The following EYA3 variants were observed in gnomAD, a reference collection of about 807,000 sequenced individuals.
The protein encoded by EYA3 is EYA transcriptional coactivator and phosphatase 3, also known as protein phosphatase EYA3.
EYA3 carries 39 observed loss-of-function variants against 80.0 expected under a neutral mutation model. That is an observed-to-expected ratio of 0.49 (90% CI 0.38 to 0.64). The LOEUF is 0.64. Ranked by LOEUF, EYA3 falls within the 30% of genes least tolerant of loss-of-function variation. EYA3 has a pLI of 0.00. For missense variants in EYA3, 523 were observed against 676.1 expected, an observed-to-expected ratio of 0.77 and a Z score of 2.51; for synonymous variants, 206 against 232.8, an observed-to-expected ratio of 0.88 and a Z score of 1.05.
intron 7 of EYA3, among the ~76,000 whole-genome samples, chr1:28,024,163 C>T (rs1185993821): frequency 6.6e-6 from 1 of 152,042 alleles, no homozygotes; most frequent in Non-Finnish European, 1.5e-5. Flanking sequence ...CGCTTAAACT[C>T]GGGAGGTGGA....
At chr1:28,081,710 A>G (rs1164324972) in intron 1 of EYA3, among the ~76,000 whole-genome samples, 1 of 152,192 alleles carries the variant, frequency 6.6e-6, no homozygotes, top group Non-Finnish European at 1.5e-5. Flanking sequence ...GGTGAAGCTG[A>G]CCTAAATCGT....
rs781256975 is a variant in EYA3 at position 27,988,628 on chromosome 1, T to C, written c.1447A>G (p.Thr483Ala). ...RKNCVNVLIT[T>A]TQLVPALAKV... ...GCCAGGGCTGGAACCAGCTGGGTGGTAGTGATCAGAACATTCACACAATTC... is the reference window on the plus strand; with the variant it reads ...GCCAGGGCTGGAACCAGCTGGGTGGCAGTGATCAGAACATTCACACAATTC... Residue 483 changes from threonine (T) to alanine (A), a missense_variant, in exon 16 of 18, where the codon ACC becomes GCC. Thr to Ala is a moderately conservative substitution (Grantham distance 58). Coordinates refer to ENST00000373871, the MANE Select transcript of EYA3 (RefSeq NM_001990.4). 2.5e-6 allele frequency: 4 copies of C among 1,614,060 alleles called. No homozygotes were observed. The highest frequency in any genetic ancestry group is 2.2e-5 in the South Asian group (2 of 91,072).
At chr1:28,029,411 T>C (rs1448181702) in intron 6 of EYA3, among the ~76,000 whole-genome samples, 4 of 152,200 alleles carry the variant, frequency 2.6e-5, no homozygotes, top group Non-Finnish European at 4.4e-5. Flanking sequence ...CTCTGTGGTC[T>C]GTCACTTCTT....
chr1:28,085,707 C>A (rs1180979649), intron 1 of EYA3, among the ~76,000 whole-genome samples: 1 of 152,128 alleles, frequency 6.6e-6, no homozygotes, highest in Non-Finnish European at 1.5e-5. Context: ...AGAAAATCAA[C>A]GGTAATTTTT....
chr1:28,063,534 G>T (rs1036048214), intron 1 of EYA3, among the ~76,000 whole-genome samples: 1 of 151,478 alleles, frequency 6.6e-6, no homozygotes, highest in East Asian at 1.9e-4. Flanking sequence ...TTTTTGTAGC[G>T]ATGGGGTTTT....
At position 27,971,626 on chromosome 1, in the gene EYA3, AAAG is replaced by A. The variant is rs1638734192; in HGVS notation, c.*2837_*2839del. The A allele has an allele frequency of 6.9e-6, 1 of 145,224 alleles. No homozygotes were observed. The highest frequency in any genetic ancestry group is 2.7e-5 in the African/African-American group (1 of 36,612). 9.0% of individuals were successfully genotyped at this position (145,224 alleles called of 1,614,324 possible). A position where few individuals can be genotyped will look rare whatever the true frequency, so the allele number is the denominator to read the frequency against. The stretch of plus-strand genomic sequence containing the variant: ...ACAACAAAAAAAAAAAAAAAAAAAA[AAAG>A]AGAACCCACCATGCCCAGCTAGGGA... On this transcript the variant is annotated 3_prime_UTR_variant, in exon 18 of 18. Coordinates refer to ENST00000373871, the MANE Select transcript of EYA3 (RefSeq NM_001990.4).
At chr1:27,975,125 T>C (rs915622819) in intron 17 of EYA3, among the ~76,000 whole-genome samples, 1 of 152,190 alleles carries the variant, frequency 6.6e-6, no homozygotes, top group Non-Finnish European at 1.5e-5. Flanking sequence ...AATCCCATTA[T>C]ATTATGTAGT....
intron 1 of EYA3, among the ~76,000 whole-genome samples, chr1:28,085,524 A>G (rs1645619249): frequency 1.3e-5 from 2 of 152,242 alleles, no homozygotes; most frequent in African/African-American, 4.8e-5. Flanking sequence ...GGACCAAAAA[A>G]CAAACAAACA....
At chr1:28,065,330 T>C (rs1644794104) in intron 1 of EYA3, among the ~76,000 whole-genome samples, 1 of 152,140 alleles carries the variant, frequency 6.6e-6, no homozygotes, top group Non-Finnish European at 1.5e-5. Context: ...TGGAGTGCAG[T>C]GGTGAGATCT....
At chr1:27,988,364 A>G in intron 16 of EYA3, 171 bp downstream of exon 16, 1 of 656,650 alleles carries the variant, frequency 1.5e-6, no homozygotes. Flanking sequence ...TGAGCAAGCT[A>G]TATAACTACT....
Position 28,007,862 on chromosome 1 carries a change from A to G in EYA3, c.909+3085T>C, listed in dbSNP as rs548159122. 5.3e-5 allele frequency among the ~76,000 whole-genome samples: 8 copies of G among 152,298 alleles called. No homozygotes were observed. In the South Asian group the frequency reaches 1.7e-3, roughly 32 times the overall value. On this transcript the variant is annotated intron_variant, in intron 10 of 17. Transcript: ENST00000373871. ...AACGCAATCCCTATCAAAATCCAAT[A>G]GTAGTTTTTTAAAAAAATAGAAAAT...
intron 3 of EYA3, among the ~76,000 whole-genome samples, chr1:28,047,873 T>A (rs1192060301): frequency 6.6e-6 from 1 of 152,032 alleles, no homozygotes; most frequent in East Asian, 1.9e-4. Context: ...TCTCCTGACC[T>A]CGTGATCTGC....
chr1:28,036,702 T>G (rs553456879), intron 5 of EYA3, among the ~76,000 whole-genome samples: 12 of 152,362 alleles, frequency 7.9e-5, no homozygotes, highest in African/African-American at 2.9e-4. Context: ...CTAGCAGATA[T>G]AATTGTTTCA....
chr1:28,037,009 C>T (rs986438384), intron 5 of EYA3, among the ~76,000 whole-genome samples: 7 of 151,978 alleles, frequency 4.6e-5, no homozygotes, highest in African/African-American at 9.7e-5. Context: ...GCAAGGGCTT[C>T]GGCCTGCAAA....
At chr1:27,994,579 C>T (rs549912614) in intron 13 of EYA3, among the ~76,000 whole-genome samples, 42 of 152,074 alleles carry the variant, frequency 2.8e-4, no homozygotes, top group African/African-American at 8.0e-4. Flanking sequence ...CCCAGCTACT[C>T]GGGAGACTGA....
chr1:27,986,460 G>A (rs1056451407), intron 16 of EYA3, among the ~76,000 whole-genome samples: 3 of 149,366 alleles, frequency 2.0e-5, no homozygotes, highest in African/African-American at 7.4e-5. Context: ...GTGCAGTAGC[G>A]CGATCTCGGC....
chr1:28,070,248 G>A lies in EYA3; in HGVS notation c.-68-12154C>T, dbSNP rs545892234. Among the ~76,000 whole-genome samples the A allele has an allele frequency of 1.1e-4, 17 of 152,086 alleles. No individual in the cohort carries two copies. In the South Asian group the frequency reaches 1.7e-3, roughly 15 times the overall value. On this transcript the variant is annotated intron_variant, in intron 1 of 17. Transcript: ENST00000373871. ...TGAATGAAACAGACAAACTGAAAAC[G>A]AAAGTGGGAAATGAAGAAATCTAAG...
chr1:28,054,414 A>G (rs1170099734), intron 2 of EYA3, among the ~76,000 whole-genome samples: 1 of 152,184 alleles, frequency 6.6e-6, no homozygotes, highest in East Asian at 1.9e-4. Flanking sequence ...AAACAATAGC[A>G]TACCTAAATT....
chr1:27,985,561 T>TA, intron 16 of EYA3, among the ~76,000 whole-genome samples: 1 of 152,284 alleles, frequency 6.6e-6, no homozygotes, highest in East Asian at 1.9e-4. Flanking sequence ...CTTAGACCTC[T>TA]ATTCTTCTCT....
Sources: gnomAD v4.1 joint callset for allele counts (sites outside exome capture counted in the v4.1 genomes callset) on GRCh38, gnomAD v4.1.1 for gene constraint, MANE v1.5 for transcripts, NCBI Gene and HGNC (gene_info 2026-07-23, HGNC 2026-07-21) for gene names.